Variants in FER1L5 observed in about 807,000 individuals in gnomAD.
FER1L5 encodes fer-1 like family member 5.
A neutral mutation model predicts 279.9 loss-of-function variants in FER1L5; 187 were observed. That is an observed-to-expected ratio of 0.67 (90% confidence interval 0.59 to 0.75). The LOEUF (loss-of-function observed/expected upper bound fraction) is 0.75, where lower values mean the gene tolerates loss of function less well. FER1L5 is among the 30% of genes least tolerant of loss of function. The pLI is 0.00. For missense variants in FER1L5, 2,091 were observed against 2,594.4 expected (o/e 0.81, Z 4.21); for synonymous variants, 921 against 989.7 (o/e 0.93, Z 1.30).
intron 21 of FER1L5, among the ~76,000 whole-genome samples, chr2:96,685,639 C>A (rs137979772): frequency 5.3e-5 from 8 of 152,288 alleles, no homozygotes; most frequent in African/African-American, 1.7e-4. Flanking sequence ...CCTGCTACCC[C>A]ACACCCACAC....
At chr2:96,651,455 C>A (rs1217543981) in intron 6 of FER1L5, among the ~76,000 whole-genome samples, 1 of 136,824 alleles carries the variant, frequency 7.3e-6, no homozygotes, top group African/African-American at 2.7e-5. Context: ...TTCTTTCTTT[C>A]TTTTCCTTCC....
intron 30 of FER1L5, 50 bp from the exon 31 acceptor site, chr2:96,692,054 A>T (rs1558914494): frequency 6.5e-7 from 1 of 1,545,718 alleles, no homozygotes; most frequent in East Asian, 2.5e-5. Flanking sequence ...AGTCAGAGGG[A>T]GCCGCTGGGG....
chr2:96,664,616 G>C (rs1219000398), intron 14 of FER1L5, among the ~76,000 whole-genome samples: 5 of 152,090 alleles, frequency 3.3e-5, no homozygotes, highest in Non-Finnish European at 7.4e-5. Flanking sequence ...TTCCGGTTTG[G>C]GGCTGTTACA....
intron 23 of FER1L5, among the ~76,000 whole-genome samples, chr2:96,686,625 C>A (rs969520703): frequency 6.6e-6 from 1 of 151,968 alleles, no homozygotes; most frequent in Non-Finnish European, 1.5e-5. Context: ...GAGGCTGAGG[C>A]GGGTGGATCA....
In FER1L5 at chr2:96,693,994, G is replaced by A. The variant is rs1344242982; in HGVS notation, c.3558G>A (p.Arg1186=). ...AGGACCGGATCCTGCCCCCCATGAG[G>A]TGGCATCCCCTTGTAAAGGAGTTGG... The part of the protein sequence containing the change: ...DLQDRILPPM[R]WHPLVKELGK... The change falls in exon 33 of 53, where the codon AGG becomes AGA. Residue 1186 remains arginine (R), a synonymous_variant. Coordinates refer to ENST00000624922, the MANE Select transcript of FER1L5 (RefSeq NM_001293083.2). The A allele has an allele frequency of 1.3e-6, 2 of 1,551,454 alleles. No homozygotes were observed. The highest frequency in any genetic ancestry group is 3.9e-5 in the Admixed American group (2 of 51,004).
chr2:96,652,211 C>G (rs559158371), intron 7 of FER1L5, 191 bp downstream of exon 7: 58 of 707,390 alleles, frequency 8.2e-5, no homozygotes, highest in South Asian at 4.4e-4. Flanking sequence ...ATCTGAGGAG[C>G]TGGTGGGCTG....
At position 96,647,855 on chromosome 2, in the gene FER1L5, C is replaced by A; in HGVS notation, c.308C>A (p.Thr103Asn). The change falls in exon 4 of 53, where the codon ACC becomes AAC. Residue 103 changes from threonine (T) to asparagine (N), a missense_variant. Coordinates refer to ENST00000624922, the MANE Select transcript of FER1L5 (RefSeq NM_001293083.2). Reference sequence around the variant, plus strand: ...GAGGTCCTTTTTGTGAAGGACTTGACCCTGCTCAACCATTCCATGAAGCCC... The same window carrying A: ...GAGGTCCTTTTTGTGAAGGACTTGAACCTGCTCAACCATTCCATGAAGCCC... ...PSEVLFVKDL[T>N]LLNHSMKPTD... is the part of the protein sequence containing the mutation. The A allele has an allele frequency of 6.4e-7, 1 of 1,551,810 alleles. No individual in the cohort carries two copies. Among genetic ancestry groups the A allele is most frequent in the East Asian group, 2.4e-5 (1 of 40,922 alleles).
intron 21 of FER1L5, 35 bp from the exon 22 acceptor site, chr2:96,685,905 G>A: frequency 5.4e-6 from 8 of 1,482,588 alleles, no homozygotes; most frequent in Non-Finnish European, 6.3e-6. Context: ...AGGCAGTAGA[G>A]AGGTCCAGCC....
rs769942465 is a variant in FER1L5, at chr2:96,703,200, G to A, written c.5545G>A (p.Ala1849Thr). 7.4e-6 allele frequency: 12 copies of A among 1,613,606 alleles called. No individual in the cohort carries two copies. The highest frequency in any genetic ancestry group is 1.1e-5 in the South Asian group (1 of 91,026). Reference sequence around the variant, plus strand: ...TGACATGCCCCTCCCGGCTCGGCACGCCAAGCAGTGCTCCATCAGGATGAT... The same window carrying A: ...TGACATGCCCCTCCCGGCTCGGCACACCAAGCAGTGCTCCATCAGGATGAT... ...LSDMPLPARH[A>T]KQCSIRMMDA... Residue 1849 changes from alanine to threonine, a missense_variant, in exon 50 of 53, where the codon GCC becomes ACC. Physicochemically the swap from Ala to Thr is moderately conservative, Grantham distance 58 (BLOSUM62 0). Transcript: ENST00000624922.
Position 96,689,141 on chromosome 2 carries a change from C to G in FER1L5, c.2362-72C>G. ...GCCCCTGCAGCCCAGAGTCAGGGGG[C>G]CCAGGGGAGGCCCATGTCCCCGCAC... On this transcript the variant is annotated intron_variant, in intron 24 of 52. Transcript: ENST00000624922. The surrounding 1 kb of genome is among the most constrained non-coding windows in gnomAD (Gnocchi z 4.6). 7.4e-6 allele frequency: 11 copies of G among 1,481,276 alleles called. No homozygotes were observed. The highest frequency in any genetic ancestry group is 9.9e-6 in the Non-Finnish European group (11 of 1,112,614). The allele number at this position is 1,481,276 out of a possible 1,614,324, so 91.8% of individuals were successfully genotyped here.
At chr2:96,693,862 T>G in intron 32 of FER1L5, 49 bp from the exon 33 acceptor site, 2 of 1,507,040 alleles carry the variant, frequency 1.3e-6, no homozygotes, top group Non-Finnish European at 1.8e-6. Context: ...CAGACAGAGC[T>G]GGGCCCTGCC....
At chr2:96,676,651 T>C (rs2076522147) in intron 19 of FER1L5, among the ~76,000 whole-genome samples, 3 of 151,542 alleles carry the variant, frequency 2.0e-5, no homozygotes, top group African/African-American at 7.3e-5. Context: ...TTTTTTAGTA[T>C]TACATTCTAT....
chr2:96,702,747 AG>A lies in FER1L5; in HGVS notation c.5397+8del, dbSNP rs748391347. The A allele has an allele frequency of 9.3e-6, 15 of 1,612,474 alleles. 1 individual carries two copies. The African/African-American group carries it at 1.5e-4, about 16-fold the overall frequency. ...CGTGTGTCCAGAGCCAGAAGGTAAC[AG>A]GCCTGGGGCGTGAGGGGCAACAGGC... On this transcript the variant is annotated splice_region_variant and intron_variant, in intron 48 of 52. Transcript: ENST00000624922. The surrounding 1 kb of genome is among the most constrained non-coding windows in gnomAD (Gnocchi z 4.0).
At chr2:96,671,678 A>G (rs1356613022) in intron 18 of FER1L5, among the ~76,000 whole-genome samples, 2 of 152,218 alleles carry the variant, frequency 1.3e-5, no homozygotes, top group Non-Finnish European at 2.9e-5. Flanking sequence ...AGTAGGTGGA[A>G]TGAAAGGAGA....
intron 6 of FER1L5, among the ~76,000 whole-genome samples, chr2:96,651,415 TTTC>T (rs1426016054): frequency 6.6e-6 from 1 of 150,954 alleles, no homozygotes; most frequent in South Asian, 2.1e-4. Context: ...TCTTTCTTTC[TTTC>T]TTTTCCTTCC....
intron 19 of FER1L5, among the ~76,000 whole-genome samples, chr2:96,675,206 T>C (rs1412344753): frequency 6.6e-6 from 1 of 152,178 alleles, no homozygotes; most frequent in African/African-American, 2.4e-5. Context: ...AGGTTGTATC[T>C]TTTTTTGCTA....
chr2:96,696,514 G>A (rs984653992), intron 37 of FER1L5, among the ~76,000 whole-genome samples: 1 of 151,842 alleles, frequency 6.6e-6, no homozygotes, highest in African/African-American at 2.4e-5. Context: ...GGCTGGTCTC[G>A]AACTCTTGTC....
chr2:96,685,856 C>T, intron 21 of FER1L5, 84 bp from the exon 22 acceptor site: 1 of 1,436,014 alleles, frequency 7.0e-7, no homozygotes, highest in Non-Finnish European at 9.2e-7. Flanking sequence ...CCAGGAGGGG[C>T]ACGCTGGCCT....
rs1301107747 is a variant in FER1L5, at chr2:96,698,902, C to G, written c.4518+70C>G. On this transcript the variant is annotated intron_variant, in intron 41 of 52. Coordinates refer to ENST00000624922, the MANE Select transcript of FER1L5 (RefSeq NM_001293083.2). The surrounding 1 kb of genome is among the most constrained non-coding windows in gnomAD (Gnocchi z 5.5). ...CTCAACCCATCTCTGGGAGCCCCCT[C>G]CGACTGCTGACACACAGAATGCCAA... is the stretch of plus-strand genomic sequence containing the variant. The G allele has an allele frequency of 6.5e-7, 1 of 1,537,294 alleles. No individual in the cohort carries two copies. The highest frequency in any genetic ancestry group is 1.4e-5 in the African/African-American group (1 of 72,856).
Sources: gnomAD v4.1 joint callset for allele counts (sites outside exome capture counted in the v4.1 genomes callset) on GRCh38, gnomAD v4.1.1 for gene constraint, Gnocchi (gnomAD v3.1) non-coding constraint, MANE v1.5 for transcripts, NCBI Gene and HGNC (gene_info 2026-07-23, HGNC 2026-07-21) for gene names.